COL4A5: variants seen among roughly 807,000 people sequenced by gnomAD.
COL4A5 encodes collagen alpha-5(IV) chain.
A neutral mutation model predicts 130.2 loss-of-function variants in COL4A5; 26 were observed. The observed-to-expected ratio is 0.20, with a 90% CI of 0.15 to 0.28. COL4A5 has a LOEUF of 0.28. COL4A5 is among the 10% of genes least tolerant of loss of function. The pLI is 1.00. For synonymous variants in COL4A5, 496 were observed against 439.6 expected, an observed-to-expected ratio of 1.13 and a Z score of -1.60; for missense variants, 1,131 against 1,344.3, an observed-to-expected ratio of 0.84 and a Z score of 2.48.
intron 36 of COL4A5, among the ~76,000 whole-genome samples, chrX:108,640,571 C>T (rs886833016): frequency 9.0e-5 from 10 of 110,967 alleles, no homozygotes; most frequent in Non-Finnish European, 1.7e-4. Flanking sequence ...AATTGTAACT[C>T]GGTGAAGTGC....
At chrX:108,474,549 C>G (rs999427861) in intron 1 of COL4A5, among the ~76,000 whole-genome samples, 4 of 111,968 alleles carry the variant, frequency 3.6e-5, no homozygotes, top group African/African-American at 1.3e-4. Context: ...GAACATATCC[C>G]CATTATTAAG....
Position 108,578,297 on chromosome X carries a change from C to A in COL4A5, c.694C>A (p.Gln232Lys). ...FQGPKGEKGE[Q>K]GLQGPPGPPG... The stretch of plus-strand genomic sequence containing the variant: ...TATTTTATCTTGCAAACAGGGTGAG[C>A]AAGGTCTTCAGGGCCCACCTGGGCC... The change falls in exon 13 of 53, where the codon CAA becomes AAA. Residue 232 changes from glutamine to lysine, a missense_variant. Coordinates refer to ENST00000328300, the MANE Select transcript of COL4A5 (RefSeq NM_033380.3). The A allele has an allele frequency of 8.3e-7, 1 of 1,208,049 alleles. No homozygotes were observed. Among genetic ancestry groups the A allele is most frequent in the South Asian group, 1.8e-5 (1 of 56,915 alleles).
intron 1 of COL4A5, among the ~76,000 whole-genome samples, chrX:108,445,407 T>C (rs1049902763): frequency 1.8e-5 from 2 of 112,008 alleles, no homozygotes; most frequent in Admixed American, 9.5e-5. Context: ...TTCTAAGTAC[T>C]CAAAAATTCT....
intron 49 of COL4A5, 101 bp downstream of exon 49, chrX:108,687,795 T>TC: frequency 1.4e-6 from 1 of 706,305 alleles, no homozygotes; most frequent in Non-Finnish European, 2.2e-6. Flanking sequence ...CTCTCTCTAT[T>TC]CTTTTGGGGC....
At chrX:108,443,980 CT>C (rs1473609850) in intron 1 of COL4A5, among the ~76,000 whole-genome samples, 1 of 111,712 alleles carries the variant, frequency 9.0e-6, no homozygotes, top group East Asian at 2.8e-4. Flanking sequence ...AAAACTTTCT[CT>C]TTACGCTTAA....
In COL4A5 at chrX:108,687,688, G is replaced by A; in HGVS notation, c.4522G>A (p.Asp1508Asn). Residue 1508 changes from aspartate to asparagine, a missense_variant, in exon 49 of 53, where the codon GAC (aspartate) becomes AAC (asparagine). Physicochemically the swap from Asp to Asn is conservative, Grantham distance 23. Coordinates refer to ENST00000328300, the MANE Select transcript of COL4A5 (RefSeq NM_033380.3). ...AGGAAATAAAAGAGCCCACGGTCAA[G>A]ACTTGGGTGAGATAATCAATATCTA... ...VQGNKRAHGQ[D>N]LGTAGSCLRR... 1 of 1,202,755 alleles carries A rather than the reference G, an allele frequency of 8.3e-7. No homozygotes were observed.
chrX:108,453,813 A>T (rs971182772), intron 1 of COL4A5, among the ~76,000 whole-genome samples: 2 of 111,769 alleles, frequency 1.8e-5, no homozygotes, highest in African/African-American at 3.2e-5. Flanking sequence ...GGGATTGGTA[A>T]ATTGATAATA....
chrX:108,607,505 A>C (rs1191387670), intron 29 of COL4A5, among the ~76,000 whole-genome samples: 1 of 55,634 alleles, frequency 1.8e-5, no homozygotes, highest in Non-Finnish European at 3.1e-5. Flanking sequence ...ATACCCCAAG[A>C]CAGAGTCTTG....
chrX:108,594,367 G>A (rs1489919315), intron 21 of COL4A5, among the ~76,000 whole-genome samples: 1 of 111,692 alleles, frequency 9.0e-6, no homozygotes, highest in Non-Finnish European at 1.9e-5. Flanking sequence ...CATTGCAACA[G>A]TAGCCACTTA....
chrX:108,559,609 T>C (rs2065874391), intron 3 of COL4A5, among the ~76,000 whole-genome samples: 1 of 112,099 alleles, frequency 8.9e-6, no homozygotes, highest in Non-Finnish European at 1.9e-5. Context: ...AAAGGTCAGA[T>C]GGATCAGCAC....
At chrX:108,617,897 G>C (rs758054408) in intron 30 of COL4A5, among the ~76,000 whole-genome samples, 1 of 111,505 alleles carries the variant, frequency 9.0e-6, no homozygotes, top group South Asian at 3.8e-4. Flanking sequence ...CAAAACCCTA[G>C]GAATTGTTTA....
intron 24 of COL4A5, among the ~76,000 whole-genome samples, chrX:108,597,928 C>T (rs762185299): frequency 9.0e-6 from 1 of 111,303 alleles, no homozygotes; most frequent in Admixed American, 9.6e-5. Context: ...TGGTGGCTCA[C>T]ACCTGTAATC....
At chrX:108,524,967 G>C (rs1252750610) in intron 1 of COL4A5, among the ~76,000 whole-genome samples, 1 of 111,880 alleles carries the variant, frequency 8.9e-6, no homozygotes, top group Non-Finnish European at 1.9e-5. Context: ...ATATTCTACT[G>C]TAATTGGGCA....
intron 1 of COL4A5, among the ~76,000 whole-genome samples, chrX:108,466,171 A>G (rs771906199): frequency 9.0e-6 from 1 of 111,076 alleles, no homozygotes; most frequent in Non-Finnish European, 1.9e-5. Flanking sequence ...GGCTATTACC[A>G]CTTTTTATCT....
At chrX:108,530,427 A>C (rs1255296896) in intron 1 of COL4A5, among the ~76,000 whole-genome samples, 4 of 108,570 alleles carry the variant, frequency 3.7e-5, no homozygotes, top group Admixed American at 9.9e-5. Context: ...CAACCTACAA[A>C]ATGGGAGAAA....
intron 1 of COL4A5, among the ~76,000 whole-genome samples, chrX:108,482,259 G>A (rs769929607): frequency 2.7e-5 from 3 of 111,224 alleles, no homozygotes; most frequent in Non-Finnish European, 5.6e-5. Context: ...ACCTCCTCAT[G>A]GGTCACACTC....
chrX:108,550,189 G>C (rs2065729367), intron 2 of COL4A5, among the ~76,000 whole-genome samples: 1 of 111,204 alleles, frequency 9.0e-6, no homozygotes, highest in African/African-American at 3.3e-5. Flanking sequence ...AGCAAGCAAA[G>C]CCCTGATACC....
In COL4A5 at chrX:108,575,954, A is replaced by G. The variant is rs1315548444; in HGVS notation, c.591A>G (p.Pro197=). 8.4e-7 allele frequency: 1 copy of G among 1,184,618 alleles called. No homozygotes were observed. Among genetic ancestry groups the G allele is most frequent in the Admixed American group, 2.2e-5 (1 of 45,717 alleles). ...PTGIPGPIGP[P]GPPGLMGPPG... ...GTATACCAGGGCCAATTGGTCCCCC[A>G]GGACCACCAGGTTTGATGGTAAGCT... Residue 197 remains proline (P), a synonymous_variant, in exon 10 of 53, where the codon CCA becomes CCG. Coordinates refer to ENST00000328300, the MANE Select transcript of COL4A5 (RefSeq NM_033380.3).
At chrX:108,602,033 C>T (rs1483522224) in intron 27 of COL4A5, 44 bp downstream of exon 27, 2 of 649,112 alleles carry the variant, frequency 3.1e-6, no homozygotes, top group East Asian at 7.2e-5. Flanking sequence ...AGAAGTTTAG[C>T]ATGATGTTAT....
Sources: allele counts gnomAD v4.1 joint callset (sites outside exome capture counted in the v4.1 genomes callset), GRCh38; gene constraint gnomAD v4.1.1; transcripts MANE v1.5; gene names NCBI Gene and HGNC (gene_info 2026-07-23, HGNC 2026-07-21).